Variants in CFAP299 observed in about 807,000 individuals in gnomAD.
CFAP299 encodes cilia and flagella associated protein 299.
In CFAP299, 21 loss-of-function variants were observed where a neutral mutation model predicts 27.0. The observed-to-expected ratio is 0.78, with a 90% CI of 0.55 to 1.12. The LOEUF is 1.12. Ranked by LOEUF, CFAP299 falls within the 50% of genes most tolerant of loss-of-function variation. The pLI is 0.00. For missense variants in CFAP299, 310 were observed against 276.6 expected, an observed-to-expected ratio of 1.12 and a Z score of -0.86; for synonymous variants, 104 against 98.1, an observed-to-expected ratio of 1.06 and a Z score of -0.36.
At chr4:80,443,531 C>T (rs543259347) in intron 2 of CFAP299, among the ~76,000 whole-genome samples, 1 of 152,282 alleles carries the variant, frequency 6.6e-6, no homozygotes, top group South Asian at 2.1e-4. Flanking sequence ...GAACATATCT[C>T]TAAATAATAA....
chr4:80,524,607 A>G (rs1733082269), intron 2 of CFAP299, among the ~76,000 whole-genome samples: 1 of 152,112 alleles, frequency 6.6e-6, no homozygotes, highest in Non-Finnish European at 1.5e-5. Context: ...GGGTGTCTTA[A>G]GGAATTTCAA....
intron 4 of CFAP299, among the ~76,000 whole-genome samples, chr4:80,894,962 C>T (rs1224892370): frequency 6.6e-6 from 1 of 151,866 alleles, no homozygotes; most frequent in Non-Finnish European, 1.5e-5. Flanking sequence ...AAAAAAATCT[C>T]ACTCACAGAA....
At chr4:80,337,989 G>C (rs1401789098) in intron 1 of CFAP299, among the ~76,000 whole-genome samples, 1 of 151,974 alleles carries the variant, frequency 6.6e-6, no homozygotes, top group Non-Finnish European at 1.5e-5. Flanking sequence ...TGTGCACTTA[G>C]GTCACACAGA....
chr4:80,520,901 A>T (rs1375697206), intron 2 of CFAP299, among the ~76,000 whole-genome samples: 1 of 152,206 alleles, frequency 6.6e-6, no homozygotes, highest in East Asian at 1.9e-4. Flanking sequence ...AATACAAGGG[A>T]TAAAAAATAG....
At chr4:80,921,903 A>G (rs1469624335) in intron 4 of CFAP299, among the ~76,000 whole-genome samples, 1 of 151,990 alleles carries the variant, frequency 6.6e-6, no homozygotes, top group Non-Finnish European at 1.5e-5. Flanking sequence ...GAGAGGAAAG[A>G]GTCAAGCACA....
At chr4:80,845,791 AAAATAG>A (rs907410234) in intron 3 of CFAP299, among the ~76,000 whole-genome samples, 14 of 152,218 alleles carry the variant, frequency 9.2e-5, no homozygotes, top group Admixed American at 8.5e-4. Context: ...ATGTGATTAT[AAAATAG>A]AAATAGAAAT....
rs573613734 is a variant in CFAP299 at position 80,622,977 on chromosome 4, A to G, written c.333+39794A>G. On this transcript the variant is annotated intron_variant, in intron 3 of 5. Transcript: ENST00000358105. ...ATGGCTTTGTAGGACACTGTAGACC[A>G]AAGTAAGTGAGAGGATCAACATGTC... 7.2e-5 allele frequency among the ~76,000 whole-genome samples: 11 copies of G among 152,312 alleles called. No individual in the cohort carries two copies. The South Asian group carries it at 2.3e-3, about 32-fold the overall frequency.
At chr4:80,591,607 T>C (rs531583844) in intron 3 of CFAP299, among the ~76,000 whole-genome samples, 2 of 152,218 alleles carry the variant, frequency 1.3e-5, no homozygotes, top group African/African-American at 2.4e-5. Context: ...TCAATTACTA[T>C]TGAGCCAATA....
At chr4:80,725,739 A>G (rs1035771835) in intron 3 of CFAP299, among the ~76,000 whole-genome samples, 1 of 152,188 alleles carries the variant, frequency 6.6e-6, no homozygotes. Flanking sequence ...GACCTTCCGT[A>G]TTGTAGGTTT....
intron 5 of CFAP299, among the ~76,000 whole-genome samples, chr4:80,946,146 C>A (rs1033005722): frequency 8.0e-5 from 12 of 150,318 alleles, no homozygotes; most frequent in African/African-American, 2.9e-4. Flanking sequence ...GAATTAATGA[C>A]CATAATTCTG....
At chr4:80,912,104 A>G (rs902114179) in intron 4 of CFAP299, among the ~76,000 whole-genome samples, 1 of 152,206 alleles carries the variant, frequency 6.6e-6, no homozygotes, top group African/African-American at 2.4e-5. Flanking sequence ...GAGAAAGTTG[A>G]CTATTTTGTG....
At chr4:80,843,357 T>G (rs984626188) in intron 3 of CFAP299, among the ~76,000 whole-genome samples, 2 of 152,090 alleles carry the variant, frequency 1.3e-5, no homozygotes, top group Non-Finnish European at 2.9e-5. Context: ...TGCCATAGTT[T>G]GCTGAGAATG....
intron 4 of CFAP299, among the ~76,000 whole-genome samples, chr4:80,942,633 C>G (rs1205368884): frequency 6.6e-6 from 1 of 151,892 alleles, no homozygotes; most frequent in Non-Finnish European, 1.5e-5. Flanking sequence ...ATGTAGAAAA[C>G]ATTTATATAA....
chr4:80,919,978 C>T (rs745415699), intron 4 of CFAP299, among the ~76,000 whole-genome samples: 17 of 152,068 alleles, frequency 1.1e-4, no homozygotes, highest in Non-Finnish European at 2.2e-4. Flanking sequence ...AACTATCTGA[C>T]CTGTTTTAAA....
At chr4:80,777,176 C>G (rs1726595826) in intron 3 of CFAP299, among the ~76,000 whole-genome samples, 3 of 152,106 alleles carry the variant, frequency 2.0e-5, no homozygotes, top group African/African-American at 7.2e-5. Context: ...GCACATTACT[C>G]TTATAGAGAA....
chr4:80,901,215 TTTAG>T (rs1194347932), intron 4 of CFAP299, among the ~76,000 whole-genome samples: 1 of 152,140 alleles, frequency 6.6e-6, no homozygotes, highest in African/African-American at 2.4e-5. Flanking sequence ...GAAATGTAAT[TTTAG>T]TTACAGAATC....
chr4:80,638,297 C>A (rs145266790), intron 3 of CFAP299, among the ~76,000 whole-genome samples: 3 of 152,144 alleles, frequency 2.0e-5, no homozygotes, highest in African/African-American at 4.8e-5. Flanking sequence ...TTTATGCCAA[C>A]GGGCTCCAAT....
intron 1 of CFAP299, among the ~76,000 whole-genome samples, chr4:80,344,150 G>A (rs143260982): frequency 7.2e-5 from 11 of 152,108 alleles, no homozygotes; most frequent in African/African-American, 2.4e-4. Flanking sequence ...CAACATCAGA[G>A]CTGAACTGAA....
At chr4:80,954,681 G>C (rs747224806) in intron 5 of CFAP299, among the ~76,000 whole-genome samples, 11 of 151,834 alleles carry the variant, frequency 7.2e-5, no homozygotes, top group Non-Finnish European at 4.4e-5. Context: ...CTTAATATGC[G>C]GGGGGGACAA....
Sources: allele counts gnomAD v4.1 joint callset (sites outside exome capture counted in the v4.1 genomes callset), GRCh38; gene constraint gnomAD v4.1.1; transcripts MANE v1.5; gene names NCBI Gene and HGNC (gene_info 2026-07-23, HGNC 2026-07-21).